The following EXT1 variants were observed in gnomAD, a reference collection of about 807,000 sequenced individuals.
EXT1 encodes the protein exostosin glycosyltransferase 1.
EXT1 carries 20 observed loss-of-function variants against 82.5 expected under a neutral mutation model. The ratio of observed to expected loss-of-function variants is 0.24; its 90% CI spans 0.17 to 0.35. EXT1 has a LOEUF of 0.35. EXT1 is among the 10% of genes least tolerant of loss of function. The probability of loss-of-function intolerance (pLI) is 1.00; values close to 1 mark genes in which losing one functional copy is unlikely to be tolerated. For missense variants in EXT1, 757 were observed against 936.5 expected, an observed-to-expected ratio of 0.81 and a Z score of 2.50; for synonymous variants, 348 against 350.8, an observed-to-expected ratio of 0.99 and a Z score of 0.09.
chr8:117,926,322 G>T (rs1813952069), intron 1 of EXT1, among the ~76,000 whole-genome samples: 1 of 152,110 alleles, frequency 6.6e-6, no homozygotes, highest in Non-Finnish European at 1.5e-5. Flanking sequence ...GCTGACCATT[G>T]CTTTACAGCC....
At chr8:117,830,164 C>T (rs17439812) in intron 4 of EXT1, 66 bp downstream of exon 4, 97,186 of 1,607,678 alleles carry the variant, frequency 0.06, 3,826 homozygotes, top group African/African-American at 0.16. Flanking sequence ...AATAGCAAAA[C>T]AGAAGGCTGA....
At chr8:118,085,349 T>A (rs1817396756) in intron 1 of EXT1, among the ~76,000 whole-genome samples, 1 of 152,188 alleles carries the variant, frequency 6.6e-6, no homozygotes, top group Non-Finnish European at 1.5e-5. Flanking sequence ...ATTAAAGCCA[T>A]ATACCATAGC....
intron 7 of EXT1, among the ~76,000 whole-genome samples, chr8:117,814,417 T>C (rs1160276662): frequency 6.6e-6 from 1 of 152,118 alleles, no homozygotes; most frequent in Non-Finnish European, 1.5e-5. Context: ...TTTTGAACAT[T>C]TACTGTGTGC....
chr8:117,827,094 G>C (rs1812018772), intron 4 of EXT1, among the ~76,000 whole-genome samples: 1 of 152,166 alleles, frequency 6.6e-6, no homozygotes, highest in African/African-American at 2.4e-5. Flanking sequence ...AGACTGACAA[G>C]AGCACAGCAA....
chr8:117,797,398 G>A lies in EXT1; in HGVS notation c.*2314C>T, dbSNP rs1333485230. 2 of 152,184 alleles carry A rather than the reference G, an allele frequency of 1.3e-5. No individual in the cohort carries two copies. Among genetic ancestry groups the A allele is most frequent in the African/African-American group, 4.8e-5 (2 of 41,426 alleles). 9.4% of individuals were successfully genotyped at this position (152,184 alleles called of 1,614,324 possible). A position where few individuals can be genotyped will look rare whatever the true frequency, so the allele number is the denominator to read the frequency against. On this transcript the variant is annotated 3_prime_UTR_variant, in exon 11 of 11. Coordinates refer to ENST00000378204, the MANE Select transcript of EXT1 (RefSeq NM_000127.3). ...TCACATAACACATGTTGTTTGTGGA[G>A]GATATGTGTTGTGAGCTTGGTGACA...
intron 1 of EXT1, among the ~76,000 whole-genome samples, chr8:117,986,749 T>G (rs964352304): frequency 2.6e-5 from 4 of 152,154 alleles, no homozygotes; most frequent in African/African-American, 9.7e-5. Context: ...GTAAAATGCA[T>G]CCCCATAGCA....
chr8:118,083,497 G>A (rs1333098182), intron 1 of EXT1, among the ~76,000 whole-genome samples: 7 of 151,966 alleles, frequency 4.6e-5, no homozygotes, highest in Admixed American at 4.6e-4. Flanking sequence ...TGAATATAAA[G>A]AATTCAAGAA....
intron 1 of EXT1, among the ~76,000 whole-genome samples, chr8:117,959,936 G>A (rs766609964): frequency 1.3e-5 from 2 of 152,180 alleles, no homozygotes; most frequent in African/African-American, 2.4e-5. Flanking sequence ...TACCCAGGCC[G>A]GTCATGGTTG....
At chr8:117,959,526 C>T (rs1323957523) in intron 1 of EXT1, among the ~76,000 whole-genome samples, 1 of 152,206 alleles carries the variant, frequency 6.6e-6, no homozygotes, top group Non-Finnish European at 1.5e-5. Context: ...TTACCACTGT[C>T]ATCATGATCA....
intron 1 of EXT1, among the ~76,000 whole-genome samples, chr8:117,903,470 A>G (rs918238690): frequency 1.3e-5 from 2 of 152,238 alleles, no homozygotes; most frequent in Non-Finnish European, 2.9e-5. Context: ...AGAACATTGT[A>G]TAAGTTTCCC....
rs1390016567 is a variant in EXT1 at position 117,803,745 on chromosome 8, T to C, written c.2055+977A>G. Among the ~76,000 whole-genome samples, 3 of 152,218 alleles carry C rather than the reference T, an allele frequency of 2.0e-5. No individual in the cohort carries two copies. In the East Asian group the frequency reaches 5.8e-4, roughly 29 times the overall value. On this transcript the variant is annotated intron_variant, in intron 10 of 10. Transcript: ENST00000378204. ...TAAAAAGAAAATGTTGGATTCTATT[T>C]CCTTGAAAATACCTTTAATACTAAA...
At chr8:117,876,812 T>C (rs1331898610) in intron 1 of EXT1, among the ~76,000 whole-genome samples, 1 of 152,168 alleles carries the variant, frequency 6.6e-6, no homozygotes, top group Non-Finnish European at 1.5e-5. Flanking sequence ...TCCACAGATA[T>C]TTACGGAAGC....
chr8:117,907,404 A>C (rs1325514767), intron 1 of EXT1, among the ~76,000 whole-genome samples: 1 of 152,122 alleles, frequency 6.6e-6, no homozygotes, highest in Non-Finnish European at 1.5e-5. Context: ...CAAAGCCTCT[A>C]TCTGTTTCAT....
chr8:118,037,359 A>T (rs901868104), intron 1 of EXT1, among the ~76,000 whole-genome samples: 55 of 151,142 alleles, frequency 3.6e-4, no homozygotes, highest in Non-Finnish European at 6.3e-4. Flanking sequence ...GTACCTTACA[A>T]TTTGCAGGTA....
intron 1 of EXT1, among the ~76,000 whole-genome samples, chr8:118,025,493 T>C (rs1816187099): frequency 6.6e-6 from 1 of 152,180 alleles, no homozygotes; most frequent in South Asian, 2.1e-4. Flanking sequence ...GAAAGACAGC[T>C]GAAGGGAAAG....
intron 1 of EXT1, among the ~76,000 whole-genome samples, chr8:118,008,865 A>G (rs1030232457): frequency 1.4e-4 from 21 of 152,258 alleles, no homozygotes; most frequent in African/African-American, 5.1e-4. Context: ...AGAATGAAAT[A>G]CATGAAAAAT....
chr8:118,092,867 A>T (rs1035607876), intron 1 of EXT1, among the ~76,000 whole-genome samples: 1 of 152,174 alleles, frequency 6.6e-6, no homozygotes, highest in Non-Finnish European at 1.5e-5. Flanking sequence ...AAAACCCCCA[A>T]GGGGGACTAA....
intron 1 of EXT1, among the ~76,000 whole-genome samples, chr8:117,855,401 G>A (rs1435026692): frequency 1.3e-5 from 2 of 152,018 alleles, no homozygotes; most frequent in South Asian, 2.1e-4. Context: ...AACTTTTATT[G>A]TTATTGTATG....
At chr8:118,045,499 T>C (rs534712124) in intron 1 of EXT1, among the ~76,000 whole-genome samples, 1 of 152,270 alleles carries the variant, frequency 6.6e-6, no homozygotes, top group South Asian at 2.1e-4. Context: ...CTGGGGCATG[T>C]GCGTATTAAC....
Sources: gnomAD v4.1 joint callset for allele counts (sites outside exome capture counted in the v4.1 genomes callset) on GRCh38, gnomAD v4.1.1 for gene constraint, MANE v1.5 for transcripts, NCBI Gene and HGNC (gene_info 2026-07-23, HGNC 2026-07-21) for gene names.